Variants in RBMS1 observed in about 807,000 individuals in gnomAD.
RBMS1 encodes RNA-binding motif, single-stranded-interacting protein 1.
Under a neutral mutation model 62.3 loss-of-function variants are expected in RBMS1, and 17 were observed. That is an observed-to-expected ratio of 0.27 (90% confidence interval 0.19 to 0.41). The LOEUF is 0.41. Among genes scored for constraint, RBMS1 ranks in the 10% least tolerant of loss-of-function variants. The pLI is 1.00. For synonymous variants in RBMS1, 172 were observed against 170.0 expected, an observed-to-expected ratio of 1.01 and a Z score of -0.09; for missense variants, 334 against 504.5, an observed-to-expected ratio of 0.66 and a Z score of 3.24.
chr2:160,398,646 C>A (rs1384776987), intron 1 of RBMS1, among the ~76,000 whole-genome samples: 1 of 152,094 alleles, frequency 6.6e-6, no homozygotes, highest in Non-Finnish European at 1.5e-5. Flanking sequence ...CAATCCCTCT[C>A]CAATTTATTT....
intron 1 of RBMS1, chr2:160,416,276 T>C (rs537478048): frequency 1.3e-5 from 2 of 152,084 alleles, no homozygotes; most frequent in African/African-American, 4.8e-5. Flanking sequence ...GCTGACAACA[T>C]ATTAGATACT....
At chr2:160,482,453 T>C (rs1037475340) in intron 1 of RBMS1, among the ~76,000 whole-genome samples, 2 of 152,240 alleles carry the variant, frequency 1.3e-5, no homozygotes, top group African/African-American at 4.8e-5. Context: ...CACTTTGTGA[T>C]GATGCACACT....
chr2:160,314,401 G>A (rs1690099119), intron 3 of RBMS1, among the ~76,000 whole-genome samples: 2 of 152,132 alleles, frequency 1.3e-5, no homozygotes, highest in Non-Finnish European at 2.9e-5. Flanking sequence ...TCATTGGAAG[G>A]TTGTTTAGAA....
chr2:160,427,378 G>A (rs991237539), intron 1 of RBMS1, among the ~76,000 whole-genome samples: 1 of 151,900 alleles, frequency 6.6e-6, no homozygotes, highest in African/African-American at 2.4e-5. Flanking sequence ...TTTAAATTGA[G>A]CTCACTGCAA....
chr2:160,286,946 CAA>C (rs1688431630), intron 7 of RBMS1, 21 bp downstream of exon 7: 2 of 1,608,432 alleles, frequency 1.2e-6, no homozygotes, highest in Non-Finnish European at 1.7e-6. Context: ...CCCCACCCCG[CAA>C]AGTTTCAAGA....
At chr2:160,385,205 A>G (rs1361811110) in intron 1 of RBMS1, among the ~76,000 whole-genome samples, 1 of 152,082 alleles carries the variant, frequency 6.6e-6, no homozygotes, top group Non-Finnish European at 1.5e-5. Flanking sequence ...AGACTAACAC[A>G]ATGTTCATCT....
chr2:160,283,120 G>T (rs548108497), intron 9 of RBMS1: 1 of 152,252 alleles, frequency 6.6e-6, no homozygotes, highest in African/African-American at 2.4e-5. Flanking sequence ...TTATAAGAGG[G>T]AAAAAGAGGT....
chr2:160,304,621 G>T (rs1012505256), intron 4 of RBMS1, among the ~76,000 whole-genome samples: 1 of 152,084 alleles, frequency 6.6e-6, no homozygotes, highest in East Asian at 1.9e-4. Context: ...TGTAGCCCTG[G>T]CTAATGTGTG....
chr2:160,463,069 G>T (rs556651047), intron 1 of RBMS1, among the ~76,000 whole-genome samples: 26 of 151,388 alleles, frequency 1.7e-4, no homozygotes, highest in Admixed American at 4.6e-4. Flanking sequence ...GAAGAAAATG[G>T]AACCCGCTGT....
intron 1 of RBMS1, among the ~76,000 whole-genome samples, chr2:160,412,329 C>G (rs1696067723): frequency 6.6e-6 from 1 of 152,152 alleles, no homozygotes; most frequent in Admixed American, 6.5e-5. Context: ...CCTTTCACGT[C>G]TCATTTAACT....
chr2:160,355,350 G>C (rs923431184), intron 2 of RBMS1, among the ~76,000 whole-genome samples: 1 of 152,034 alleles, frequency 6.6e-6, no homozygotes, highest in African/African-American at 2.4e-5. Context: ...CACACCAAAA[G>C]TACACTAACT....
chr2:160,300,802 T>G, intron 5 of RBMS1, 72 bp from the exon 6 acceptor site: 1 of 1,385,526 alleles, frequency 7.2e-7, no homozygotes, highest in Middle Eastern at 2.4e-4. Flanking sequence ...GGTGCATGCA[T>G]AAACATTCTT....
rs763641554 is a variant in RBMS1 at position 160,303,314 on chromosome 2, T to G, written c.560+16A>C. On this transcript the variant is annotated intron_variant, in intron 5 of 13. Coordinates refer to ENST00000348849, the MANE Select transcript of RBMS1 (RefSeq NM_016836.4). ...CTATTGTTGTTGACATAATAAAGAC[T>G]GGGCAGAAGGCTTACCTAGCAAAGC... 4 of 1,576,694 alleles carry G rather than the reference T, an allele frequency of 2.5e-6. No homozygotes were observed. Among genetic ancestry groups the G allele is most frequent in the Non-Finnish European group, 3.4e-6 (4 of 1,165,820 alleles).
At chr2:160,396,882 G>C (rs1326244578) in intron 1 of RBMS1, among the ~76,000 whole-genome samples, 2 of 152,038 alleles carry the variant, frequency 1.3e-5, no homozygotes, top group Non-Finnish European at 2.9e-5. Flanking sequence ...GTCTACCTGC[G>C]CATGCACGTG....
chr2:160,310,014 ACAT>A (rs976449613), intron 4 of RBMS1, among the ~76,000 whole-genome samples: 2 of 152,196 alleles, frequency 1.3e-5, no homozygotes, highest in Non-Finnish European at 2.9e-5. Flanking sequence ...CACACACTTA[ACAT>A]CATAATCTGT....
At chr2:160,306,870 G>T (rs12692592) in intron 4 of RBMS1, among the ~76,000 whole-genome samples, 113,183 of 151,988 alleles carry the variant, frequency 0.74, 42,949 homozygotes, top group East Asian at 0.83. Context: ...ATCTTTAAAA[G>T]CAGTGACAAC....
chr2:160,352,845 G>GACTGGT (rs1692592618), intron 2 of RBMS1, among the ~76,000 whole-genome samples: 1 of 152,220 alleles, frequency 6.6e-6, no homozygotes. Context: ...TGACATCATT[G>GACTGGT]ACTGGTACTG....
intron 1 of RBMS1, among the ~76,000 whole-genome samples, chr2:160,471,433 T>C (rs1447781830): frequency 6.6e-6 from 1 of 151,790 alleles, no homozygotes; most frequent in African/African-American, 2.4e-5. Context: ...TTAAAGGAGA[T>C]ATTTTAAGTT....
At chr2:160,426,323 AAGG>A (rs1326183974) in intron 1 of RBMS1, among the ~76,000 whole-genome samples, 4 of 110,168 alleles carry the variant, frequency 3.6e-5, no homozygotes, top group African/African-American at 9.6e-5. Context: ...GGAAGGAAGG[AAGG>A]AAGGAAGGAA....
Sources: allele counts gnomAD v4.1 joint callset (sites outside exome capture counted in the v4.1 genomes callset), GRCh38; gene constraint gnomAD v4.1.1; transcripts MANE v1.5; gene names NCBI Gene and HGNC (gene_info 2026-07-23, HGNC 2026-07-21).